Variants in PCDHA3 observed in about 807,000 individuals in gnomAD.
The protein encoded by PCDHA3 is protocadherin alpha-3.
PCDHA3 carries 41 observed loss-of-function variants against 62.2 expected under a neutral mutation model. The ratio of observed to expected loss-of-function variants is 0.66; its 90% CI spans 0.51 to 0.86. The LOEUF is 0.86. PCDHA3 is among the 40% of genes least tolerant of loss of function. The probability of loss-of-function intolerance (pLI) is 0.00; values close to 1 mark genes in which losing one functional copy is unlikely to be tolerated. For synonymous variants in PCDHA3, 640 were observed against 555.4 expected, an observed-to-expected ratio of 1.15 and a Z score of -2.14; for missense variants, 1,304 against 1,241.2, an observed-to-expected ratio of 1.05 and a Z score of -0.76.
Position 140,974,355 on chromosome 5 carries a change from C to T in PCDHA3, c.2395-4594C>T, listed in dbSNP as rs113314336. Among the ~76,000 whole-genome samples the T allele has an allele frequency of 6.8e-3, 1,038 of 152,272 alleles. 15 individuals are homozygous for T. The highest frequency in any genetic ancestry group is 0.024 in the African/African-American group (1,003 of 41,550). ...AGCAGGCTATGCATCCAGAACTAAA[C>T]AGACCTAGCACTTTCTGTTGTACTG... is the stretch of plus-strand genomic sequence containing the variant. On this transcript the variant is annotated intron_variant, in intron 1 of 3. Transcript: ENST00000522353.
chr5:140,803,070 G>A lies in PCDHA3; in HGVS notation c.1873G>A (p.Gly625Arg). 1 of 1,613,960 alleles carries A rather than the reference G, an allele frequency of 6.2e-7. No homozygotes were observed. Among genetic ancestry groups the A allele is most frequent in the Non-Finnish European group, 8.5e-7 (1 of 1,179,952 alleles). The change falls in exon 1 of 4, where the codon GGG becomes AGG. Residue 625 changes from glycine to arginine, a missense_variant. By Grantham distance (125) the Gly-to-Arg change is moderately radical (BLOSUM62 -2). Coordinates refer to ENST00000522353, the MANE Select transcript of PCDHA3 (RefSeq NM_018906.3). ...CGGTGCGCGCATCCCGTTTCGCGTG[G>A]GGCTGTACACGGGAGAGATCAGCAC... ...TGGARIPFRV[G>R]LYTGEISTTR...
At chr5:140,837,021 T>C (rs1774876437) in intron 1 of PCDHA3, 2 of 263,032 alleles carry the variant, frequency 7.6e-6, no homozygotes, top group Non-Finnish European at 1.4e-5. Flanking sequence ...ACCTTTCTTC[T>C]ATAGTGTATT....
At chr5:140,883,758 G>C (rs781858673) in intron 1 of PCDHA3, 4 of 1,612,920 alleles carry the variant, frequency 2.5e-6, no homozygotes, top group Non-Finnish European at 3.4e-6. Context: ...CTGGTGGAGC[G>C]GCGGGTGGGC....
At chr5:140,933,265 A>G (rs2088994304) in intron 1 of PCDHA3, among the ~76,000 whole-genome samples, 1 of 152,000 alleles carries the variant, frequency 6.6e-6, no homozygotes, top group East Asian at 1.9e-4. Context: ...AGGTTATTAT[A>G]TATTCATTTG....
chr5:140,998,646 C>A (rs1413467899), intron 3 of PCDHA3, among the ~76,000 whole-genome samples: 1 of 151,870 alleles, frequency 6.6e-6, no homozygotes, highest in Non-Finnish European at 1.5e-5. Context: ...CTCACTGCAA[C>A]CTCTGCCTCC....
At chr5:140,889,213 G>A (rs1463412254) in intron 1 of PCDHA3, among the ~76,000 whole-genome samples, 1 of 151,602 alleles carries the variant, frequency 6.6e-6, no homozygotes, top group African/African-American at 2.4e-5. Context: ...TAACAAAGAA[G>A]AATAGTCTTT....
chr5:140,973,606 G>T (rs1554235444), intron 1 of PCDHA3, among the ~76,000 whole-genome samples: 1 of 152,204 alleles, frequency 6.6e-6, no homozygotes, highest in African/African-American at 2.4e-5. Flanking sequence ...TTATGGCTGA[G>T]CTCTTCTCTG....
chr5:140,835,928 C>G (rs2150248518), intron 1 of PCDHA3: 1 of 1,612,452 alleles, frequency 6.2e-7, no homozygotes, highest in Non-Finnish European at 8.5e-7. Context: ...CGGAGAGCGG[C>G]AAGGTGTACG....
At position 141,009,692 on chromosome 5, in the gene PCDHA3, A is replaced by G. The variant is rs2098413739; in HGVS notation, c.2608A>G (p.Lys870Glu). The G allele has an allele frequency of 6.2e-7, 1 of 1,613,856 alleles. No homozygotes were observed. Among genetic ancestry groups the G allele is most frequent in the African/African-American group, 1.3e-5 (1 of 74,858 alleles). The stretch of plus-strand genomic sequence containing the variant: ...TGTCAACAGCAACAGCTGGACCTTT[A>G]AATACGGACCAGGCAACCCCAAACA... The part of the protein sequence containing the change: ...AGVNSNSWTF[K>E]YGPGNPKQSG... Residue 870 changes from lysine to glutamate, a missense_variant, in exon 4 of 4, where the codon AAA (lysine) becomes GAA (glutamate). Physicochemically the swap from Lys to Glu is moderately conservative, Grantham distance 56. Transcript: ENST00000522353.
chr5:140,962,511 C>T (rs1164554453), intron 1 of PCDHA3, among the ~76,000 whole-genome samples: 1 of 152,106 alleles, frequency 6.6e-6, no homozygotes, highest in Non-Finnish European at 1.5e-5. Flanking sequence ...AGCCAACTAT[C>T]AATAATATAT....
chr5:140,844,317 T>G (rs1026706831), intron 1 of PCDHA3, among the ~76,000 whole-genome samples: 3 of 149,600 alleles, frequency 2.0e-5, no homozygotes, highest in African/African-American at 7.3e-5. Context: ...TTCTTCCTAA[T>G]TTTATTATAA....
intron 1 of PCDHA3, chr5:140,848,442 T>C: frequency 1.3e-6 from 2 of 1,489,558 alleles, no homozygotes; most frequent in Non-Finnish European, 1.8e-6. Context: ...ATCAGATGAT[T>C]TCTTCTAATT....
chr5:140,802,915 T>G lies in PCDHA3; in HGVS notation c.1718T>G (p.Ile573Ser). Residue 573 changes from isoleucine (I) to serine (S), a missense_variant, in exon 1 of 4, where the codon ATC (isoleucine) becomes AGC (serine). Ile to Ser is a moderately radical substitution (Grantham distance 142). Coordinates refer to ENST00000522353, the MANE Select transcript of PCDHA3 (RefSeq NM_018906.3). Reference sequence around the variant, plus strand: ...CTGCTGATGCCTCGGGTGGGTGGCATCGGTGGCGCAGTGAGCGAGCTGGTG... The same window carrying G: ...CTGCTGATGCCTCGGGTGGGTGGCAGCGGTGGCGCAGTGAGCGAGCTGGTG... ...PALLMPRVGG[I>S]GGAVSELVPR... 1 of 1,613,742 alleles carries G rather than the reference T, an allele frequency of 6.2e-7. No homozygotes were observed. The highest frequency in any genetic ancestry group is 1.1e-5 in the South Asian group (1 of 91,064).
chr5:140,836,311 C>T (rs1774359365), intron 1 of PCDHA3: 4 of 1,613,662 alleles, frequency 2.5e-6, no homozygotes, highest in Admixed American at 3.3e-5. Flanking sequence ...ACGGACGCAC[C>T]GCGCCACCGC....
chr5:140,808,778 C>T (rs781867451), intron 1 of PCDHA3: 12 of 1,612,450 alleles, frequency 7.4e-6, no homozygotes, highest in Non-Finnish European at 9.3e-6. Flanking sequence ...GCTAGAGCTG[C>T]TGCAGTTTCA....
At chr5:140,929,038 C>T in intron 1 of PCDHA3, 2 of 1,614,158 alleles carry the variant, frequency 1.2e-6, no homozygotes, top group South Asian at 1.1e-5. Context: ...CTGTTGCGCT[C>T]AGAGCTGCTG....
chr5:140,862,857 T>A (rs782223560), intron 1 of PCDHA3: 4 of 517,166 alleles, frequency 7.7e-6, no homozygotes, highest in Non-Finnish European at 1.5e-5. Flanking sequence ...TGAGCAGCAA[T>A]GTGACGCTGC....
At chr5:140,980,858 A>T (rs2096908934) in intron 2 of PCDHA3, among the ~76,000 whole-genome samples, 2 of 152,162 alleles carry the variant, frequency 1.3e-5, no homozygotes, top group Admixed American at 1.3e-4. Flanking sequence ...TCTTTTTCGT[A>T]TGTGTGCTTG....
intron 1 of PCDHA3, chr5:140,817,666 T>G (rs1766174084): frequency 1.3e-5 from 2 of 152,210 alleles, no homozygotes; most frequent in Non-Finnish European, 2.9e-5. Context: ...TGCCTTTCAA[T>G]TATTTATATG....
Sources: gnomAD v4.1 joint callset for allele counts (sites outside exome capture counted in the v4.1 genomes callset) on GRCh38, gnomAD v4.1.1 for gene constraint, MANE v1.5 for transcripts, NCBI Gene and HGNC (gene_info 2026-07-23, HGNC 2026-07-21) for gene names.